The following MDGA2 variants were observed in gnomAD, a reference collection of about 807,000 sequenced individuals.
The protein encoded by MDGA2 is MAM domain containing glycosylphosphatidylinositol anchor 2, also known as MAM domain-containing glycosylphosphatidylinositol anchor protein 2.
Under a neutral mutation model 117.8 loss-of-function variants are expected in MDGA2, and 40 were observed. That is an observed-to-expected ratio of 0.34 (90% confidence interval 0.26 to 0.44). The LOEUF (loss-of-function observed/expected upper bound fraction) is 0.44, where lower values mean the gene tolerates loss of function less well. Ranked by LOEUF, MDGA2 falls within the 20% of genes least tolerant of loss-of-function variation. MDGA2 has a pLI of 1.00. For synonymous variants in MDGA2, 452 were observed against 439.0 expected (o/e 1.03, Z -0.37); for missense variants, 1,123 against 1,250.6 (o/e 0.90, Z 1.54).
chr14:46,861,409 C>G (rs773519599), intron 14 of MDGA2, among the ~76,000 whole-genome samples: 1 of 151,776 alleles, frequency 6.6e-6, no homozygotes, highest in Non-Finnish European at 1.5e-5. Context: ...TATTTCTTAA[C>G]ATTTTCTTTT....
intron 1 of MDGA2, among the ~76,000 whole-genome samples, chr14:47,546,729 G>A (rs1895470409): frequency 6.6e-6 from 1 of 152,172 alleles, no homozygotes; most frequent in South Asian, 2.1e-4. Context: ...GGGAGCTCCA[G>A]AAACAGGGGC....
intron 1 of MDGA2, among the ~76,000 whole-genome samples, chr14:47,579,027 T>G (rs1022517834): frequency 6.6e-6 from 1 of 152,122 alleles, no homozygotes; most frequent in African/African-American, 2.4e-5. Flanking sequence ...GGGTTCAATT[T>G]TTTAATACAA....
chr14:47,620,548 C>T (rs576774908), intron 1 of MDGA2, among the ~76,000 whole-genome samples: 2 of 152,166 alleles, frequency 1.3e-5, no homozygotes, highest in Non-Finnish European at 2.9e-5. Flanking sequence ...GATGAGAGGG[C>T]AGGATAACCT....
intron 7 of MDGA2, among the ~76,000 whole-genome samples, chr14:47,058,245 CA>C (rs1436026970): frequency 6.6e-6 from 1 of 151,982 alleles, no homozygotes; most frequent in African/African-American, 2.4e-5. Flanking sequence ...ATATGAAAAA[CA>C]AAAAGCTCAG....
At position 47,172,370 on chromosome 14, in the gene MDGA2, C is replaced by T. The variant is rs571396827; in HGVS notation, c.596-28096G>A. Among the ~76,000 whole-genome samples the T allele has an allele frequency of 5.9e-5, 9 of 151,766 alleles. No individual in the cohort carries two copies. In the South Asian group the frequency reaches 1.3e-3, roughly 21 times the overall value. On this transcript the variant is annotated intron_variant, in intron 3 of 16. Transcript: ENST00000399232. The stretch of plus-strand genomic sequence containing the variant: ...TCAAGTGGGTCCCTGACCCCTGACC[C>T]CCGAGAAGCCTAACTGGGAGGCACC...
intron 1 of MDGA2, among the ~76,000 whole-genome samples, chr14:47,440,612 C>T (rs968328498): frequency 1.3e-5 from 2 of 151,884 alleles, no homozygotes; most frequent in Non-Finnish European, 2.9e-5. Flanking sequence ...TGGTAGATAC[C>T]ATAAAGTAAT....
At chr14:47,236,031 G>A (rs1215537384) in intron 2 of MDGA2, among the ~76,000 whole-genome samples, 1 of 152,092 alleles carries the variant, frequency 6.6e-6, no homozygotes, top group Admixed American at 6.5e-5. Context: ...ACACTGTGGG[G>A]CCTGTAATCC....
chr14:46,999,097 A>G (rs907260751), intron 8 of MDGA2, among the ~76,000 whole-genome samples: 6 of 152,078 alleles, frequency 3.9e-5, no homozygotes, highest in African/African-American at 7.2e-5. Flanking sequence ...TTTATTCACC[A>G]ATCAATAGTG....
intron 1 of MDGA2, among the ~76,000 whole-genome samples, chr14:47,584,310 TG>T (rs1364152305): frequency 3.3e-5 from 5 of 151,854 alleles, no homozygotes; most frequent in African/African-American, 1.2e-4. Context: ...TGTTATACAA[TG>T]TAAAACATGA....
At chr14:46,941,882 C>T (rs1361230506) in intron 9 of MDGA2, among the ~76,000 whole-genome samples, 3 of 152,104 alleles carry the variant, frequency 2.0e-5, no homozygotes, top group African/African-American at 7.2e-5. Context: ...GTAATGTGAG[C>T]AAGCTGTAAG....
In MDGA2 at chr14:47,096,784, T is replaced by G. The variant is rs1360198573; in HGVS notation, c.1195+70A>C. 4 of 1,462,720 alleles carry G rather than the reference T, an allele frequency of 2.7e-6. No homozygotes were observed. In the Admixed American group the frequency reaches 5.5e-5, roughly 20 times the overall value. 90.6% of individuals were successfully genotyped at this position (1,462,720 alleles called of 1,614,324 possible). On this transcript the variant is annotated intron_variant, in intron 6 of 16. Coordinates refer to ENST00000399232, the MANE Select transcript of MDGA2 (RefSeq NM_001113498.3). ...CAATATTTGAGGAGGTAATTTTATA[T>G]CAACCATTATTTGCTTTTTGAGAGC...
intron 1 of MDGA2, among the ~76,000 whole-genome samples, chr14:47,304,836 G>T (rs919906006): frequency 6.6e-6 from 1 of 152,084 alleles, no homozygotes; most frequent in Non-Finnish European, 1.5e-5. Context: ...AGAACCCTGA[G>T]ATTTTAAGTG....
intron 1 of MDGA2, among the ~76,000 whole-genome samples, chr14:47,336,582 A>G (rs1020962161): frequency 1.3e-5 from 2 of 151,944 alleles, no homozygotes; most frequent in Non-Finnish European, 2.9e-5. Flanking sequence ...TGTTTAAATT[A>G]AAGTACCCAC....
chr14:47,627,947 C>T (rs1897180560), intron 1 of MDGA2, among the ~76,000 whole-genome samples: 2 of 152,142 alleles, frequency 1.3e-5, no homozygotes, highest in South Asian at 2.1e-4. Context: ...GACACGCCAC[C>T]TTTAAGAACT....
At chr14:47,269,335 C>G (rs113583022) in intron 2 of MDGA2, among the ~76,000 whole-genome samples, 36 of 152,220 alleles carry the variant, frequency 2.4e-4, no homozygotes, top group African/African-American at 7.2e-4. Context: ...AACATAAAGT[C>G]AGTTACTTTC....
intron 2 of MDGA2, among the ~76,000 whole-genome samples, chr14:47,259,344 A>C (rs11844263): frequency 0.28 from 41,952 of 151,924 alleles, 6,604 homozygotes; most frequent in Admixed American, 0.46. Flanking sequence ...CTACTTGCAT[A>C]CCCTTGTTTG....
chr14:47,208,514 A>G (rs1885767087), intron 3 of MDGA2, among the ~76,000 whole-genome samples: 1 of 143,620 alleles, frequency 7.0e-6, no homozygotes, highest in African/African-American at 2.6e-5. Context: ...TACAAATTAT[A>G]TTCCTTCTCT....
chr14:47,162,154 C>T (rs1310132889), intron 3 of MDGA2, among the ~76,000 whole-genome samples: 1 of 151,806 alleles, frequency 6.6e-6, no homozygotes, highest in Admixed American at 6.6e-5. Flanking sequence ...ACCGTGTTAG[C>T]CAGGCTGGTC....
At chr14:47,491,191 A>G (rs755974282) in intron 1 of MDGA2, among the ~76,000 whole-genome samples, 6 of 152,138 alleles carry the variant, frequency 3.9e-5, no homozygotes, top group Non-Finnish European at 8.8e-5. Context: ...AAATTCATTA[A>G]TAAGTCTACA....
Sources: allele counts gnomAD v4.1 joint callset (sites outside exome capture counted in the v4.1 genomes callset), GRCh38; gene constraint gnomAD v4.1.1; transcripts MANE v1.5; gene names NCBI Gene and HGNC (gene_info 2026-07-23, HGNC 2026-07-21).